Variants in MEF2D observed in about 807,000 individuals in gnomAD.
MEF2D encodes myocyte-specific enhancer factor 2D.
Under a neutral mutation model 59.3 loss-of-function variants are expected in MEF2D, and 10 were observed. The ratio of observed to expected loss-of-function variants is 0.17; its 90% CI spans 0.10 to 0.29. MEF2D has a LOEUF of 0.29. Among genes scored for constraint, MEF2D ranks in the 10% least tolerant of loss-of-function variants. The pLI is 1.00. For missense variants in MEF2D, 508 were observed against 699.4 expected (o/e 0.73, Z 3.09); for synonymous variants, 305 against 295.0 (o/e 1.03, Z -0.35).
Position 156,479,678 on chromosome 1 carries a change from G to A in MEF2D, c.515C>T (p.Ser172Phe). The A allele has an allele frequency of 6.4e-7, 1 of 1,551,876 alleles. No homozygotes were observed. The highest frequency in any genetic ancestry group is 8.7e-7 in the Non-Finnish European group (1 of 1,147,092). Reference sequence around the variant, plus strand: ...GGACAGGAGCCGCGGGTCCGTGAGGGATGATGTCACCAGGGAAGGGGTGAC... The same window carrying A: ...GGACAGGAGCCGCGGGTCCGTGAGGAATGATGTCACCAGGGAAGGGGTGAC... ...SLVTPSLVTS[S>F]LTDPRLLSPQ... Residue 172 changes from serine to phenylalanine, a missense_variant, in exon 5 of 12, where the codon TCC (serine) becomes TTC (phenylalanine). Ser to Phe is a radical substitution (Grantham distance 155). Transcript: ENST00000348159.
Position 156,476,490 on chromosome 1 carries a change from T to C in MEF2D, c.876+4A>G. The C allele has an allele frequency of 6.2e-7, 1 of 1,611,994 alleles. No homozygotes were observed. ...CACAGCAAAGAGCTCACAGCCTCAC[T>C]TACCAGATCTAAATGGTCCTCAGTC... On this transcript the variant is annotated splice_donor_region_variant and intron_variant, in intron 8 of 11. Coordinates refer to ENST00000348159, the MANE Select transcript of MEF2D (RefSeq NM_005920.4).
At chr1:156,482,063 A>G (rs1366479084) in intron 3 of MEF2D, among the ~76,000 whole-genome samples, 1 of 152,262 alleles carries the variant, frequency 6.6e-6, no homozygotes, top group African/African-American at 2.4e-5. Flanking sequence ...AAAAAGGAAG[A>G]GGCAGGTGCA....
chr1:156,475,217 C>T lies in MEF2D; in HGVS notation c.897G>A (p.Gly299=). ...HLDLNNAQRL[G]VSQSTHSLTT... is the part of the protein sequence containing the mutation. ...TGAGCGAATGAGTAGACTGGGAGACCCCAAGGCGCTGGGCATTGTTCTGTA... is the reference window on the plus strand; with the variant it reads ...TGAGCGAATGAGTAGACTGGGAGACTCCAAGGCGCTGGGCATTGTTCTGTA... Residue 299 remains glycine (G), a synonymous_variant, in exon 9 of 12, where the codon GGG becomes GGA. Transcript: ENST00000348159. The T allele has an allele frequency of 6.2e-7, 1 of 1,612,622 alleles. No individual in the cohort carries two copies. The highest frequency in any genetic ancestry group is 8.5e-7 in the Non-Finnish European group (1 of 1,179,286).
intron 9 of MEF2D, among the ~76,000 whole-genome samples, chr1:156,474,682 T>G (rs1165462111): frequency 6.6e-6 from 1 of 151,844 alleles, no homozygotes; most frequent in Non-Finnish European, 1.5e-5. Context: ...TGAAGGCATG[T>G]GCCTGTAGTC....
intron 1 of MEF2D, among the ~76,000 whole-genome samples, chr1:156,489,005 A>G (rs1336928416): frequency 1.3e-5 from 2 of 152,212 alleles, no homozygotes; most frequent in Non-Finnish European, 2.9e-5. Flanking sequence ...ACTACAGGGC[A>G]TCTGCTTCCA....
chr1:156,495,655 T>C (rs1428370072), intron 1 of MEF2D, among the ~76,000 whole-genome samples: 3 of 138,014 alleles, frequency 2.2e-5, no homozygotes, highest in Non-Finnish European at 4.6e-5. Context: ...CAGAGCAAGA[T>C]CCTACCTCAA....
At chr1:156,480,370 G>A (rs770247552) in intron 4 of MEF2D, among the ~76,000 whole-genome samples, 17 of 152,126 alleles carry the variant, frequency 1.1e-4, no homozygotes, top group Non-Finnish European at 1.9e-4. Flanking sequence ...TGGACAAAGA[G>A]CACACTCCAC....
chr1:156,474,842 AAT>A (rs1289120260), intron 9 of MEF2D, among the ~76,000 whole-genome samples: 3 of 152,214 alleles, frequency 2.0e-5, no homozygotes, highest in Non-Finnish European at 4.4e-5. Flanking sequence ...CCAAAAATAA[AAT>A]ATGTCTTTGG....
At chr1:156,478,136 T>G (rs1475716390) in intron 6 of MEF2D, among the ~76,000 whole-genome samples, 1 of 152,232 alleles carries the variant, frequency 6.6e-6, no homozygotes, top group Admixed American at 6.5e-5. Context: ...TATGGATCAC[T>G]GCTCACTTGA....
chr1:156,469,643 C>CT (rs1223514738), intron 9 of MEF2D, among the ~76,000 whole-genome samples: 1 of 150,100 alleles, frequency 6.7e-6, no homozygotes, highest in Non-Finnish European at 1.5e-5. Flanking sequence ...AATCCCAGCA[C>CT]TTTGAGAGGT....
In MEF2D at chr1:156,479,804, G is replaced by GA. The variant is rs1671869331; in HGVS notation, c.397-9dup. On this transcript the variant is annotated splice_polypyrimidine_tract_variant and intron_variant, in intron 4 of 11. Transcript: ENST00000348159. ...GGGGGCCGGGACAGTTGACTAGACA[G>GA]AAAGATGGAGGGGCAGGATCAGGCC... 1 of 1,551,346 alleles carries GA rather than the reference G, an allele frequency of 6.4e-7. No homozygotes were observed. Among genetic ancestry groups the GA allele is most frequent in the Non-Finnish European group, 8.7e-7 (1 of 1,146,850 alleles).
chr1:156,470,287 C>T (rs533334837), intron 9 of MEF2D, among the ~76,000 whole-genome samples: 3 of 151,850 alleles, frequency 2.0e-5, no homozygotes, highest in Admixed American at 6.5e-5. Context: ...CAGGCGGTGG[C>T]GCGCACCTGT....
At chr1:156,490,487 G>A (rs1358113741) in intron 1 of MEF2D, 2 of 152,310 alleles carry the variant, frequency 1.3e-5, no homozygotes, top group South Asian at 2.1e-4. Flanking sequence ...TTTTTAGCCT[G>A]GGCACTGAGC....
At chr1:156,476,637 T>A in intron 7 of MEF2D, 123 bp from the exon 8 acceptor site, 1 of 1,210,542 alleles carries the variant, frequency 8.3e-7, no homozygotes, top group Non-Finnish European at 1.2e-6. Context: ...CTACCCAGCC[T>A]ACAAAGGCAG....
intron 5 of MEF2D, 94 bp from the exon 6 acceptor site, chr1:156,479,440 A>T: frequency 6.7e-7 from 1 of 1,493,730 alleles, no homozygotes; most frequent in Non-Finnish European, 9.1e-7. Context: ...CCCAGGAGGA[A>T]GAGTCATACT....
chr1:156,488,617 C>T (rs935105031), intron 1 of MEF2D, among the ~76,000 whole-genome samples: 7 of 152,112 alleles, frequency 4.6e-5, no homozygotes, highest in Non-Finnish European at 1.5e-5. Flanking sequence ...CAAAATGTAC[C>T]GTAAAGGAGG....
chr1:156,480,786 A>C, intron 4 of MEF2D, 48 bp downstream of exon 4: 2 of 1,568,264 alleles, frequency 1.3e-6, no homozygotes, highest in Non-Finnish European at 1.7e-6. Flanking sequence ...GCCTGGGGGG[A>C]AGGGGCCGGA....
At chr1:156,496,180 T>C (rs1046989833) in intron 1 of MEF2D, among the ~76,000 whole-genome samples, 1 of 152,202 alleles carries the variant, frequency 6.6e-6, no homozygotes, top group Non-Finnish European at 1.5e-5. Context: ...GAAGAGGGCC[T>C]TGGGGATCAC....
intron 8 of MEF2D, among the ~76,000 whole-genome samples, chr1:156,475,840 G>A (rs1425052938): frequency 4.6e-5 from 7 of 152,324 alleles, no homozygotes; most frequent in South Asian, 2.1e-4. Flanking sequence ...AGGAGCCCCC[G>A]CCCCACTCCT....
Sources: allele counts gnomAD v4.1 joint callset (sites outside exome capture counted in the v4.1 genomes callset), GRCh38; gene constraint gnomAD v4.1.1; transcripts MANE v1.5; gene names NCBI Gene and HGNC (gene_info 2026-07-23, HGNC 2026-07-21).